The following HTR2C variants were observed in gnomAD, a reference collection of about 807,000 sequenced individuals.
HTR2C encodes 5-hydroxytryptamine (serotonin) receptor 2C, G protein-coupled.
HTR2C carries 5 observed loss-of-function variants against 21.0 expected under a neutral mutation model. That is an observed-to-expected ratio of 0.24 (90% CI 0.12 to 0.50). The LOEUF (loss-of-function observed/expected upper bound fraction) is 0.50, where lower values mean the gene tolerates loss of function less well. Ranked by LOEUF, HTR2C falls within the 20% of genes least tolerant of loss-of-function variation. The pLI is 0.98. For synonymous variants in HTR2C, 150 were observed against 145.3 expected (o/e 1.03, Z -0.23); for missense variants, 271 against 371.2 (o/e 0.73, Z 2.22).
intron 2 of HTR2C, among the ~76,000 whole-genome samples, chrX:114,692,866 A>G (rs1569484447): frequency 8.9e-6 from 1 of 111,769 alleles, no homozygotes; most frequent in Non-Finnish European, 1.9e-5. Flanking sequence ...AAGTTTATTC[A>G]ACAAGTATTT....
chrX:114,647,008 T>C (rs1326166664), intron 2 of HTR2C, among the ~76,000 whole-genome samples: 1 of 111,225 alleles, frequency 9.0e-6, no homozygotes, highest in Non-Finnish European at 1.9e-5. Context: ...ATCTCACTTA[T>C]ATGTGGAACC....
At chrX:114,629,315 T>A (rs781868720) in intron 2 of HTR2C, among the ~76,000 whole-genome samples, 4 of 111,882 alleles carry the variant, frequency 3.6e-5, no homozygotes, top group Non-Finnish European at 7.5e-5. Flanking sequence ...ACTTTTAAAT[T>A]GTTTTCCTCC....
chrX:114,604,800 T>C, intron 1 of HTR2C, among the ~76,000 whole-genome samples: 1 of 111,335 alleles, frequency 9.0e-6, no homozygotes, highest in Non-Finnish European at 1.9e-5. Context: ...GAGGAATGCC[T>C]GGCCGCTGCG....
At chrX:114,852,041 T>A (rs2070922237) in intron 5 of HTR2C, among the ~76,000 whole-genome samples, 1 of 111,658 alleles carries the variant, frequency 9.0e-6, no homozygotes, top group Admixed American at 9.6e-5. Context: ...TACAAGAAAT[T>A]AATTTCAGAA....
chrX:114,805,872 TATAC>T (rs1346307609), intron 4 of HTR2C, among the ~76,000 whole-genome samples: 60 of 16,999 alleles, frequency 3.5e-3, no homozygotes, highest in Non-Finnish European at 7.0e-3. Flanking sequence ...ATACCATATA[TATAC>T]ACCATATGTA....
At chrX:114,734,958 GT>G (rs1374930259) in intron 4 of HTR2C, among the ~76,000 whole-genome samples, 2 of 111,448 alleles carry the variant, frequency 1.8e-5, no homozygotes, top group Non-Finnish European at 3.8e-5. Context: ...GCTATAAAAA[GT>G]TTAAGTCTTT....
chrX:114,742,249 G>A (rs370336213), intron 4 of HTR2C, among the ~76,000 whole-genome samples: 4 of 111,451 alleles, frequency 3.6e-5, no homozygotes, highest in East Asian at 2.8e-4. Flanking sequence ...TTAATTCTGC[G>A]TTTAAACCTG....
At chrX:114,622,844 G>GA (rs1326294388) in intron 2 of HTR2C, among the ~76,000 whole-genome samples, 1 of 111,875 alleles carries the variant, frequency 8.9e-6, no homozygotes, top group African/African-American at 3.2e-5. Flanking sequence ...AGACGTACAG[G>GA]AAAGATTTGT....
At chrX:114,736,918 C>T (rs2069595246) in intron 4 of HTR2C, among the ~76,000 whole-genome samples, 1 of 111,056 alleles carries the variant, frequency 9.0e-6, no homozygotes, top group Non-Finnish European at 1.9e-5. Flanking sequence ...CAGAAATTAC[C>T]AAATTTATTT....
At chrX:114,782,183 G>T (rs975986535) in intron 4 of HTR2C, among the ~76,000 whole-genome samples, 1 of 104,646 alleles carries the variant, frequency 9.6e-6, no homozygotes, top group Non-Finnish European at 1.9e-5. Flanking sequence ...GAAAATAACT[G>T]CCAAGTTAAA....
intron 5 of HTR2C, among the ~76,000 whole-genome samples, chrX:114,876,171 TTGAA>T (rs1300221083): frequency 2.7e-5 from 3 of 110,269 alleles, no homozygotes; most frequent in Non-Finnish European, 5.7e-5. Flanking sequence ...TTATTCTAAT[TTGAA>T]TGGGATTTTT....
Position 114,731,513 on chromosome X carries a change from C to T in HTR2C, c.255C>T (p.His85=), listed in dbSNP as rs2069537213. The T allele has an allele frequency of 8.3e-7, 1 of 1,203,056 alleles. No individual in the cohort carries two copies. Among genetic ancestry groups the T allele is most frequent in the African/African-American group, 1.7e-5 (1 of 57,470 alleles). ...IMAVSMEKKL[H]NATNYFLMSL... ...CAGTAAGCATGGAAAAGAAACTGCA[C>T]AATGCCACCAATTACTTCTTAATGT... Residue 85 remains histidine (H), a synonymous_variant, in exon 4 of 6, where the codon CAC becomes CAT. Transcript: ENST00000276198.
intron 4 of HTR2C, among the ~76,000 whole-genome samples, chrX:114,807,200 A>ATACCATGTATG (rs782495763): frequency 0.072 from 919 of 12,775 alleles, 438 homozygotes; most frequent in Non-Finnish European, 0.16. Flanking sequence ...CACCATATAT[A>ATACCATGTATG]TATACACCAT....
At chrX:114,622,720 A>G (rs1407934396) in intron 2 of HTR2C, among the ~76,000 whole-genome samples, 1 of 112,216 alleles carries the variant, frequency 8.9e-6, no homozygotes, top group Admixed American at 9.5e-5. Context: ...TAGGCAATAC[A>G]TCTGCCAGTA....
chrX:114,645,661 T>C (rs1402779643), intron 2 of HTR2C, among the ~76,000 whole-genome samples: 4 of 111,689 alleles, frequency 3.6e-5, no homozygotes, highest in Non-Finnish European at 7.5e-5. Context: ...AGTAGGTACA[T>C]GCACTGTGTG....
At chrX:114,806,198 T>C (rs944868789) in intron 4 of HTR2C, among the ~76,000 whole-genome samples, 3 of 99,613 alleles carry the variant, frequency 3.0e-5, no homozygotes, top group Non-Finnish European at 6.0e-5. Flanking sequence ...ACCATATATA[T>C]ACCATATATA....
At position 114,677,228 on chromosome X, in the gene HTR2C, G is replaced by A. The variant is rs782546747; in HGVS notation, c.-79-49630G>A. On this transcript the variant is annotated intron_variant, in intron 2 of 5. Coordinates refer to ENST00000276198, the MANE Select transcript of HTR2C (RefSeq NM_000868.4). ...TTGACAACATGATTTTATCTCATACGGGAAATAAACTATGGTGGCAATTTT... is the reference window on the plus strand; with the variant it reads ...TTGACAACATGATTTTATCTCATACAGGAAATAAACTATGGTGGCAATTTT... 8.1e-5 allele frequency among the ~76,000 whole-genome samples: 9 copies of A among 111,022 alleles called. No homozygotes were observed. In the East Asian group the frequency reaches 2.6e-3, roughly 32 times the overall value.
intron 4 of HTR2C, among the ~76,000 whole-genome samples, chrX:114,738,849 A>G (rs1199149793): frequency 9.0e-6 from 1 of 110,885 alleles, no homozygotes; most frequent in Non-Finnish European, 1.9e-5. Context: ...GGGTGGTCAC[A>G]CTATTATTCT....
chrX:114,714,144 T>A (rs782750561), intron 2 of HTR2C, among the ~76,000 whole-genome samples: 15 of 111,783 alleles, frequency 1.3e-4, no homozygotes, highest in Admixed American at 1.2e-3. Context: ...TGATATAACG[T>A]TTGTAGAACT....
Sources: gnomAD v4.1 joint callset for allele counts (sites outside exome capture counted in the v4.1 genomes callset) on GRCh38, gnomAD v4.1.1 for gene constraint, MANE v1.5 for transcripts, NCBI Gene and HGNC (gene_info 2026-07-23, HGNC 2026-07-21) for gene names.